The following LYRM4 variants were observed in gnomAD, a reference collection of about 807,000 sequenced individuals.
The protein encoded by LYRM4 is LYR motif-containing protein 4.
LYRM4 carries 9 observed loss-of-function variants against 11.7 expected under a neutral mutation model. That is an observed-to-expected ratio of 0.77 (90% CI 0.46 to 1.34). The LOEUF (loss-of-function observed/expected upper bound fraction) is 1.34, where lower values mean the gene tolerates loss of function less well. Among genes scored for constraint, LYRM4 ranks in the 40% most tolerant of loss-of-function variants. LYRM4 has a pLI of 0.00. For missense variants in LYRM4, 133 were observed against 112.5 expected (o/e 1.18, Z -0.82); for synonymous variants, 42 against 40.4 (o/e 1.04, Z -0.15).
chr6:5,219,046 C>T lies in LYRM4; in HGVS notation c.87-2308G>A, dbSNP rs188463235. On this transcript the variant is annotated intron_variant, in intron 1 of 2. Transcript: ENST00000330636. Reference sequence around the variant, plus strand: ...ATAACATGAATTTACCTCCAGGAATCATCTATTGTTTAAATTTTTCATTTC... The same window carrying T: ...ATAACATGAATTTACCTCCAGGAATTATCTATTGTTTAAATTTTTCATTTC... Among the ~76,000 whole-genome samples, 78 of 152,300 alleles carry T rather than the reference C, an allele frequency of 5.1e-4. No individual in the cohort carries two copies. The East Asian group carries it at 0.01, about 20-fold the overall frequency.
chr6:5,147,726 C>T (rs1384297019), intron 2 of LYRM4, among the ~76,000 whole-genome samples: 1 of 152,198 alleles, frequency 6.6e-6, no homozygotes, highest in Non-Finnish European at 1.5e-5. Flanking sequence ...CGGTTCTCTC[C>T]CTACTGCCTA....
intron 1 of LYRM4, among the ~76,000 whole-genome samples, chr6:5,240,197 C>T (rs34170037): frequency 0.049 from 7,437 of 152,138 alleles, 594 homozygotes; most frequent in African/African-American, 0.16. Flanking sequence ...GCCTTCTCTA[C>T]GTCTGCTTGT....
chr6:5,240,635 G>C (rs1302403253), intron 1 of LYRM4: 1 of 152,222 alleles, frequency 6.6e-6, no homozygotes, highest in Non-Finnish European at 1.5e-5. Context: ...TCTCCCCGCA[G>C]ACAGGTCAAC....
At chr6:5,098,467 C>T in the LYRM4 span, among the ~76,000 whole-genome samples, 1 of 152,218 alleles carries the variant, frequency 6.6e-6, no homozygotes, top group African/African-American at 2.4e-5. Flanking sequence ...TTACACATAC[C>T]CTCGGAGTGG....
the LYRM4 span, chr6:5,085,810 C>A: frequency 6.5e-7 from 1 of 1,528,808 alleles, no homozygotes; most frequent in Non-Finnish European, 8.8e-7. Flanking sequence ...GGCGGTGGCA[C>A]TGGGCGGCGA....
At chr6:5,205,554 G>GA (rs565844833) in intron 2 of LYRM4, among the ~76,000 whole-genome samples, 204 of 152,190 alleles carry the variant, frequency 1.3e-3, no homozygotes, top group African/African-American at 4.4e-3. Context: ...AAAACAGGCT[G>GA]AGTTTCAAAA....
chr6:5,218,128 A>C (rs748205267), intron 1 of LYRM4: 1 of 612,930 alleles, frequency 1.6e-6, no homozygotes, highest in Non-Finnish European at 2.0e-6. Context: ...GCTGGTCTTA[A>C]ACTCCTGGGC....
the LYRM4 span, among the ~76,000 whole-genome samples, chr6:5,076,943 G>T: frequency 5.9e-5 from 9 of 152,176 alleles, no homozygotes; most frequent in African/African-American, 2.2e-4. Context: ...ATACAATAAT[G>T]TCCAGGGAAC....
chr6:5,107,971 A>T (rs1265288559), downstream of LYRM4: 1 of 152,058 alleles, frequency 6.6e-6, no homozygotes, highest in Non-Finnish European at 1.5e-5. Flanking sequence ...GCACCGCTGC[A>T]CTCCAGCCTG....
At chr6:5,069,783 CTATGTATTT>C in the LYRM4 span, among the ~76,000 whole-genome samples, 2 of 152,164 alleles carry the variant, frequency 1.3e-5, no homozygotes, top group Non-Finnish European at 2.9e-5. Context: ...CCGGCCTACA[CTATGTATTT>C]TATGTATTTA....
downstream of LYRM4, among the ~76,000 whole-genome samples, chr6:5,101,968 C>CATTTTTTTTTTTTTTTTTTTTTTTT (rs556454653): frequency 5.9e-5 from 4 of 67,988 alleles, no homozygotes; most frequent in Admixed American, 2.0e-4. Context: ...CTAATGCTTT[C>CATTTTTTTTTTTTTTTTTTTTTTTT]TTTTTTTTTT....
chr6:5,140,452 T>A (rs111654059), intron 2 of LYRM4, among the ~76,000 whole-genome samples: 3,419 of 152,328 alleles, frequency 0.022, 44 homozygotes, highest in Middle Eastern at 0.082. Flanking sequence ...TTTAAACCTG[T>A]ATAATGAGTA....
intron 2 of LYRM4, among the ~76,000 whole-genome samples, chr6:5,126,923 C>T (rs1056416135): frequency 6.6e-6 from 1 of 152,140 alleles, no homozygotes; most frequent in Non-Finnish European, 1.5e-5. Flanking sequence ...GCTGGCACAA[C>T]TCTGAATATA....
chr6:5,164,070 A>G (rs1298936234), intron 2 of LYRM4, among the ~76,000 whole-genome samples: 1 of 152,234 alleles, frequency 6.6e-6, no homozygotes, highest in Non-Finnish European at 1.5e-5. Flanking sequence ...TAGAATTGTT[A>G]AAAATAATAC....
chr6:5,116,033 G>A (rs1377225486), intron 2 of LYRM4, among the ~76,000 whole-genome samples: 6 of 152,136 alleles, frequency 3.9e-5, no homozygotes, highest in Admixed American at 6.5e-5. Flanking sequence ...TTAGGACAGT[G>A]CCAGACACAT....
chr6:5,228,929 G>A (rs1269763162), intron 1 of LYRM4, among the ~76,000 whole-genome samples: 4 of 150,060 alleles, frequency 2.7e-5, no homozygotes, highest in Middle Eastern at 3.4e-3. Context: ...GCGTGAACCC[G>A]GGAGACAGAG....
intron 1 of LYRM4, among the ~76,000 whole-genome samples, chr6:5,260,254 CCA>C (rs1244740779): frequency 7.9e-5 from 12 of 152,176 alleles, no homozygotes; most frequent in Non-Finnish European, 1.5e-5. Flanking sequence ...CTGGCCACTT[CCA>C]CTCTCAACTC....
intron 1 of LYRM4, among the ~76,000 whole-genome samples, chr6:5,255,964 G>A (rs1162482133): frequency 1.3e-5 from 2 of 151,970 alleles, no homozygotes; most frequent in African/African-American, 4.8e-5. Context: ...CACTTATCAA[G>A]TACCTATTCT....
chr6:5,109,318 A>G lies in LYRM4; in HGVS notation c.*105T>C. Reference sequence around the variant, plus strand: ...GTTTATCAGCTCCCACAGGACAGGCAGCGCAAAAGGCTATTGTAAGCTGGT... The same window carrying G: ...GTTTATCAGCTCCCACAGGACAGGCGGCGCAAAAGGCTATTGTAAGCTGGT... On this transcript the variant is annotated 3_prime_UTR_variant, in exon 3 of 3. Transcript: ENST00000330636. 6.3e-7 allele frequency: 1 copy of G among 1,577,638 alleles called. No homozygotes were observed. Among genetic ancestry groups the G allele is most frequent in the African/African-American group, 1.3e-5 (1 of 74,362 alleles).
Sources: gnomAD v4.1 joint callset for allele counts (sites outside exome capture counted in the v4.1 genomes callset) on GRCh38, gnomAD v4.1.1 for gene constraint, MANE v1.5 for transcripts, NCBI Gene and HGNC (gene_info 2026-07-23, HGNC 2026-07-21) for gene names.